The following CEP112 variants were observed in gnomAD, a reference collection of about 807,000 sequenced individuals.
CEP112 encodes centrosomal protein of 112 kDa.
In CEP112, 127 loss-of-function variants were observed where a neutral mutation model predicts 153.0. The observed-to-expected ratio is 0.83, with a 90% CI of 0.72 to 0.96. The LOEUF (loss-of-function observed/expected upper bound fraction) is 0.96, where lower values mean the gene tolerates loss of function less well. CEP112 is among the 40% of genes least tolerant of loss of function. The pLI is 0.00. For missense variants in CEP112, 1,089 were observed against 1,101.2 expected (o/e 0.99, Z 0.16); for synonymous variants, 358 against 374.4 (o/e 0.96, Z 0.51).
chr17:65,702,265 T>A (rs1399336418), intron 23 of CEP112, among the ~76,000 whole-genome samples: 1 of 152,214 alleles, frequency 6.6e-6, no homozygotes, highest in Admixed American at 6.5e-5. Flanking sequence ...TCCTGCATCC[T>A]GGCATGTAGG....
intron 16 of CEP112, among the ~76,000 whole-genome samples, chr17:66,023,959 C>T (rs1363188240): frequency 6.6e-6 from 1 of 152,068 alleles, no homozygotes; most frequent in Non-Finnish European, 1.5e-5. Flanking sequence ...ACATCAAAAA[C>T]ATAATACACC....
intron 4 of CEP112, among the ~76,000 whole-genome samples, chr17:66,139,377 G>A (rs570919210): frequency 4.0e-4 from 61 of 152,308 alleles, no homozygotes; most frequent in African/African-American, 1.3e-3. Flanking sequence ...GCTGAGGCAG[G>A]AGGACTGCTG....
chr17:65,964,707 G>C (rs1568302150), intron 17 of CEP112, among the ~76,000 whole-genome samples: 2 of 42,990 alleles, frequency 4.7e-5, no homozygotes, highest in Non-Finnish European at 9.8e-5. Context: ...TGATGAAAGG[G>C]TGCTGTGGCA....
chr17:65,808,975 T>C (rs1291187786), intron 21 of CEP112, among the ~76,000 whole-genome samples: 3 of 152,206 alleles, frequency 2.0e-5, no homozygotes, highest in African/African-American at 7.2e-5. Context: ...TCTCTCACCA[T>C]GTGCCTTCTG....
chr17:65,855,255 T>C (rs527730839), intron 20 of CEP112, among the ~76,000 whole-genome samples: 2 of 152,298 alleles, frequency 1.3e-5, no homozygotes, highest in East Asian at 3.9e-4. Context: ...TAAAATCATA[T>C]CTGTTCCATT....
At chr17:66,169,678 G>A (rs925029222) in intron 4 of CEP112, among the ~76,000 whole-genome samples, 2 of 152,028 alleles carry the variant, frequency 1.3e-5, no homozygotes, top group African/African-American at 4.8e-5. Context: ...GGGATAAAGA[G>A]GACACAGAAG....
intron 24 of CEP112, among the ~76,000 whole-genome samples, chr17:65,682,733 T>C (rs573232892): frequency 6.6e-6 from 1 of 152,160 alleles, no homozygotes; most frequent in African/African-American, 2.4e-5. Flanking sequence ...CTGGCCAAGA[T>C]GTTACTCAAT....
intron 6 of CEP112, among the ~76,000 whole-genome samples, chr17:66,101,761 T>C (rs9896059): frequency 0.16 from 24,609 of 151,996 alleles, 2,742 homozygotes; most frequent in African/African-American, 0.31. Flanking sequence ...CTGTATAGTT[T>C]AAATACATGC....
At chr17:66,185,177 G>GT (rs201326543) in intron 1 of CEP112, among the ~76,000 whole-genome samples, 5,183 of 152,208 alleles carry the variant, frequency 0.034, 126 homozygotes, top group Middle Eastern at 0.061. Context: ...AACCTACAGT[G>GT]GCAAGAACTA....
chr17:65,724,888 C>T (rs139264521), intron 23 of CEP112, among the ~76,000 whole-genome samples: 2 of 152,212 alleles, frequency 1.3e-5, no homozygotes, highest in East Asian at 3.9e-4. Context: ...CTCCTGCTGC[C>T]CCCAAGGCTG....
chr17:65,842,480 A>G (rs921587304), intron 21 of CEP112, among the ~76,000 whole-genome samples: 1 of 152,158 alleles, frequency 6.6e-6, no homozygotes, highest in African/African-American at 2.4e-5. Flanking sequence ...GAAACTGTGA[A>G]AGCCATTGAG....
At chr17:65,974,056 C>T (rs1049029828) in intron 17 of CEP112, among the ~76,000 whole-genome samples, 1 of 151,868 alleles carries the variant, frequency 6.6e-6, no homozygotes, top group Admixed American at 6.6e-5. Context: ...ACTTGGGAGT[C>T]TAAAAGGCTT....
At chr17:65,814,030 A>G (rs778638201) in intron 21 of CEP112, among the ~76,000 whole-genome samples, 84 of 152,204 alleles carry the variant, frequency 5.5e-4, no homozygotes, top group Non-Finnish European at 9.4e-4. Context: ...TCAGATAATA[A>G]ATACCTATAT....
intron 24 of CEP112, chr17:65,644,240 G>C (rs1567801696): frequency 3.2e-6 from 2 of 631,750 alleles, no homozygotes; most frequent in South Asian, 1.8e-5. Flanking sequence ...GGCATGAACT[G>C]TTTCTTACAT....
chr17:65,904,571 T>C (rs1048266169), intron 19 of CEP112, among the ~76,000 whole-genome samples: 8 of 152,138 alleles, frequency 5.3e-5, no homozygotes, highest in African/African-American at 1.2e-4. Flanking sequence ...CAAGCTACCA[T>C]TGACTTTCTT....
At chr17:65,650,354 G>A (rs2045680755) in intron 24 of CEP112, among the ~76,000 whole-genome samples, 1 of 152,148 alleles carries the variant, frequency 6.6e-6, no homozygotes, top group Admixed American at 6.5e-5. Context: ...AGCCCTGAGT[G>A]TGGCAGGCAT....
intron 18 of CEP112, among the ~76,000 whole-genome samples, chr17:65,933,439 G>A (rs2061194412): frequency 6.6e-6 from 1 of 152,104 alleles, no homozygotes; most frequent in South Asian, 2.1e-4. Context: ...CCAAAAGACA[G>A]AAGATACATA....
In CEP112 at chr17:66,183,359, A is replaced by G. The variant is rs1191564692; in HGVS notation, c.-8-52T>C. ...TAAGGATTTGTATGCTGAAAACTACAAAACTCTGATGAGAAAGATAAAAAA... is the reference window on the plus strand; with the variant it reads ...TAAGGATTTGTATGCTGAAAACTACGAAACTCTGATGAGAAAGATAAAAAA... On this transcript the variant is annotated intron_variant, in intron 1 of 26. Coordinates refer to ENST00000535342, the MANE Select transcript of CEP112 (RefSeq NM_001199165.4). The G allele has an allele frequency of 4.8e-6, 6 of 1,257,236 alleles. No homozygotes were observed. The African/African-American group carries it at 7.5e-5, about 16-fold the overall frequency. The allele number at this position is 1,257,236 out of a possible 1,614,324, so 77.9% of individuals were successfully genotyped here.
chr17:65,860,073 A>G (rs923673076), intron 20 of CEP112, among the ~76,000 whole-genome samples: 3 of 151,804 alleles, frequency 2.0e-5, no homozygotes, highest in Non-Finnish European at 4.4e-5. Flanking sequence ...CGGTATATAT[A>G]AAAAATGAAA....
Sources: allele counts gnomAD v4.1 joint callset (sites outside exome capture counted in the v4.1 genomes callset), GRCh38; gene constraint gnomAD v4.1.1; transcripts MANE v1.5; gene names NCBI Gene and HGNC (gene_info 2026-07-23, HGNC 2026-07-21).